Variants in PDE7B observed in about 807,000 individuals in gnomAD.
PDE7B encodes phosphodiesterase 7B, also known as 3',5'-cyclic-AMP phosphodiesterase 7B.
A neutral mutation model predicts 56.2 loss-of-function variants in PDE7B; 29 were observed. That is an observed-to-expected ratio of 0.52 (90% confidence interval 0.38 to 0.70). The LOEUF (loss-of-function observed/expected upper bound fraction) is 0.70, where lower values mean the gene tolerates loss of function less well. Ranked by LOEUF, PDE7B falls within the 30% of genes least tolerant of loss-of-function variation. The pLI, the probability that PDE7B is intolerant of heterozygous loss-of-function variation, is 0.00. For missense variants in PDE7B, 490 were observed against 565.0 expected (o/e 0.87, Z 1.35); for synonymous variants, 197 against 196.9 (o/e 1.00, Z 0.00).
intron 12 of PDE7B, among the ~76,000 whole-genome samples, chr6:136,191,342 C>A (rs1046727264): frequency 6.6e-6 from 1 of 152,154 alleles, no homozygotes; most frequent in African/African-American, 2.4e-5. Context: ...TGCCATTTCT[C>A]CTCACTGGTA....
chr6:135,912,695 T>C (rs771432784), intron 1 of PDE7B, among the ~76,000 whole-genome samples: 3 of 152,106 alleles, frequency 2.0e-5, no homozygotes, highest in Non-Finnish European at 4.4e-5. Flanking sequence ...AAAATAAACA[T>C]GGGTCTTTAG....
intron 2 of PDE7B, among the ~76,000 whole-genome samples, chr6:135,993,747 T>C (rs1282082571): frequency 6.6e-6 from 1 of 152,198 alleles, no homozygotes; most frequent in African/African-American, 2.4e-5. Context: ...ACCTCAAAAT[T>C]CGGGCAGATT....
intron 2 of PDE7B, among the ~76,000 whole-genome samples, chr6:136,045,353 G>A (rs1776484430): frequency 6.6e-6 from 1 of 152,174 alleles, no homozygotes; most frequent in African/African-American, 2.4e-5. Context: ...CAAGAAATGA[G>A]TTTTGTATCT....
At chr6:136,152,351 C>T (rs1778534638) in intron 6 of PDE7B, among the ~76,000 whole-genome samples, 1 of 152,146 alleles carries the variant, frequency 6.6e-6, no homozygotes, top group Non-Finnish European at 1.5e-5. Flanking sequence ...ATAATAATAA[C>T]TACCATTTAT....
At chr6:135,927,982 G>A (rs190302451) in intron 1 of PDE7B, among the ~76,000 whole-genome samples, 1 of 152,152 alleles carries the variant, frequency 6.6e-6, no homozygotes, top group Non-Finnish European at 1.5e-5. Flanking sequence ...TCAGTCATGA[G>A]CAGACACTTC....
chr6:136,148,133 T>A (rs1778446978), intron 4 of PDE7B, among the ~76,000 whole-genome samples: 2 of 152,044 alleles, frequency 1.3e-5, no homozygotes, highest in South Asian at 4.1e-4. Flanking sequence ...TAAACAGAAG[T>A]CGAAGATAGA....
chr6:135,909,524 T>A (rs1776174520), intron 1 of PDE7B, among the ~76,000 whole-genome samples: 1 of 151,952 alleles, frequency 6.6e-6, no homozygotes, highest in South Asian at 2.1e-4. Flanking sequence ...GAGAATTGCT[T>A]GAACTGGGAA....
chr6:136,031,217 A>G (rs982427353), intron 2 of PDE7B, among the ~76,000 whole-genome samples: 2 of 152,244 alleles, frequency 1.3e-5, no homozygotes, highest in African/African-American at 4.8e-5. Flanking sequence ...CCACATGGTT[A>G]TACTCTAGCC....
intron 2 of PDE7B, among the ~76,000 whole-genome samples, chr6:135,987,306 T>A (rs1162506169): frequency 6.6e-6 from 1 of 152,146 alleles, no homozygotes; most frequent in Non-Finnish European, 1.5e-5. Context: ...AATAAGGTGA[T>A]GCCAGTTCAT....
At chr6:136,097,625 C>CT (rs1777489597) in intron 2 of PDE7B, among the ~76,000 whole-genome samples, 1 of 152,194 alleles carries the variant, frequency 6.6e-6, no homozygotes. Context: ...CATTATCCTT[C>CT]TATTAAAATC....
intron 3 of PDE7B, among the ~76,000 whole-genome samples, chr6:136,111,733 G>A (rs1315004425): frequency 1.3e-5 from 2 of 152,120 alleles, no homozygotes; most frequent in Non-Finnish European, 2.9e-5. Flanking sequence ...GGGACATTTG[G>A]GGATTTTCTC....
intron 2 of PDE7B, among the ~76,000 whole-genome samples, chr6:136,032,977 CTT>C (rs1664751377): frequency 6.6e-6 from 1 of 152,204 alleles, no homozygotes; most frequent in Non-Finnish European, 1.5e-5. Flanking sequence ...TAGAGAGTGA[CTT>C]TAGAGATTTC....
intron 2 of PDE7B, among the ~76,000 whole-genome samples, chr6:136,070,630 A>C (rs116890569): frequency 6.6e-6 from 1 of 152,210 alleles, no homozygotes; most frequent in Non-Finnish European, 1.5e-5. Context: ...TAATTCATTT[A>C]ATTTAAAAAA....
chr6:136,105,001 T>C (rs1048897962), intron 2 of PDE7B, among the ~76,000 whole-genome samples: 3 of 152,220 alleles, frequency 2.0e-5, no homozygotes, highest in African/African-American at 4.8e-5. Flanking sequence ...CCTAGCTCCA[T>C]TGTTACTTGT....
At chr6:135,863,676 T>C (rs1402993365) in intron 1 of PDE7B, among the ~76,000 whole-genome samples, 1 of 150,024 alleles carries the variant, frequency 6.7e-6, no homozygotes, top group Non-Finnish European at 1.5e-5. Flanking sequence ...TTTACCATAG[T>C]AAAACATCCC....
intron 1 of PDE7B, among the ~76,000 whole-genome samples, chr6:135,864,948 C>A (rs1350339934): frequency 7.8e-6 from 1 of 128,166 alleles, no homozygotes; most frequent in African/African-American, 2.8e-5. Flanking sequence ...CCCCTCCCCC[C>A]ACCCCACAAC....
intron 2 of PDE7B, among the ~76,000 whole-genome samples, chr6:136,032,615 C>T (rs1776260840): frequency 6.6e-6 from 1 of 152,188 alleles, no homozygotes; most frequent in African/African-American, 2.4e-5. Flanking sequence ...TTTACTCCTG[C>T]ATTCTCGCTG....
intron 2 of PDE7B, among the ~76,000 whole-genome samples, chr6:136,031,647 G>A (rs1776248251): frequency 6.7e-6 from 1 of 149,588 alleles, no homozygotes; most frequent in African/African-American, 2.5e-5. Context: ...GCTGAGGCAG[G>A]AGAATGGCGT....
intron 2 of PDE7B, chr6:136,034,363 G>C (rs529132576): frequency 3.9e-5 from 6 of 152,264 alleles, no homozygotes; most frequent in Admixed American, 1.3e-4. Flanking sequence ...GTATACTTTA[G>C]TATCGGGGTT....
Sources: gnomAD v4.1 joint callset for allele counts (sites outside exome capture counted in the v4.1 genomes callset) on GRCh38, gnomAD v4.1.1 for gene constraint, MANE v1.5 for transcripts, NCBI Gene and HGNC (gene_info 2026-07-23, HGNC 2026-07-21) for gene names.